Variants in C12orf50 observed in about 807,000 individuals in gnomAD.
The protein encoded by C12orf50 is uncharacterized protein C12orf50.
Under a neutral mutation model 61.6 loss-of-function variants are expected in C12orf50, and 35 were observed. The observed-to-expected ratio is 0.57, with a 90% CI of 0.43 to 0.75. The LOEUF is 0.75. C12orf50 is among the 30% of genes least tolerant of loss of function. The probability of loss-of-function intolerance (pLI) is 0.00; values close to 1 mark genes in which losing one functional copy is unlikely to be tolerated. For missense variants in C12orf50, 475 were observed against 488.5 expected, an observed-to-expected ratio of 0.97 and a Z score of 0.26; for synonymous variants, 178 against 161.5, an observed-to-expected ratio of 1.10 and a Z score of -0.77.
intron 1 of C12orf50, among the ~76,000 whole-genome samples, chr12:88,027,359 T>A (rs761478110): frequency 1.3e-5 from 2 of 152,178 alleles, no homozygotes; most frequent in South Asian, 2.1e-4. Context: ...AATAGAGATA[T>A]AAGAATCCAG....
At position 87,985,871 on chromosome 12, in the gene C12orf50, G is replaced by T; in HGVS notation, c.1105C>A (p.Pro369Thr). 2 of 1,612,998 alleles carry T rather than the reference G, an allele frequency of 1.2e-6. No homozygotes were observed. The highest frequency in any genetic ancestry group is 1.7e-6 in the Non-Finnish European group (2 of 1,179,812). Reference protein sequence around the residue: ...SYNKVHANREPKPNLSPDKYT... With the variant: ...SYNKVHANRETKPNLSPDKYT... ...TCACCTGGACTGAGGTTGGGTTTGGGTTCCCTGTTAGCATGGACTTTATTG... is the reference window on the plus strand; with the variant it reads ...TCACCTGGACTGAGGTTGGGTTTGGTTTCCCTGTTAGCATGGACTTTATTG... The change falls in exon 11 of 13, where the codon CCC becomes ACC. Residue 369 changes from proline (P) to threonine (T), a missense_variant. Pro to Thr is a conservative substitution (Grantham distance 38). Transcript: ENST00000298699.
chr12:87,980,477 T>C, intron 12 of C12orf50, 121 bp from the exon 13 acceptor site: 1 of 843,190 alleles, frequency 1.2e-6, no homozygotes, highest in Non-Finnish European at 1.9e-6. Context: ...ATCTTACTGT[T>C]TTAACTTATA....
chr12:87,984,480 A>G (rs1220115799), intron 11 of C12orf50: 1 of 152,156 alleles, frequency 6.6e-6, no homozygotes, highest in African/African-American at 2.4e-5. Flanking sequence ...CTGTGAAACT[A>G]TGAGGTACAG....
intron 3 of C12orf50, among the ~76,000 whole-genome samples, chr12:88,015,609 C>A (rs909010831): frequency 6.6e-6 from 1 of 152,166 alleles, no homozygotes; most frequent in Non-Finnish European, 1.5e-5. Context: ...AGAGATTACA[C>A]TAACTTCTAG....
In C12orf50 at chr12:87,987,871, A is replaced by C. The variant is rs755232303; in HGVS notation, c.796T>G (p.Cys266Gly). 1.9e-6 allele frequency: 3 copies of C among 1,607,098 alleles called. No homozygotes were observed. Among genetic ancestry groups the C allele is most frequent in the East Asian group, 4.5e-5 (2 of 44,708 alleles). The change falls in exon 9 of 13, where the codon TGC (cysteine) becomes GGC (glycine). Residue 266 changes from cysteine to glycine, a missense_variant. Coordinates refer to ENST00000298699, the MANE Select transcript of C12orf50 (RefSeq NM_152589.3). Reference protein sequence around the residue: ...LNATENISMKCREDPSSMNDV... With the variant: ...LNATENISMKGREDPSSMNDV... ...TCACTTGAAGAGGGGTCCTCTCTGC[A>C]CTTCATACTGATATTCTCAGTAGCA...
intron 3 of C12orf50, among the ~76,000 whole-genome samples, chr12:88,012,143 C>G (rs1340291444): frequency 6.6e-6 from 1 of 152,190 alleles, no homozygotes; most frequent in Admixed American, 6.5e-5. Context: ...CACTACTCCA[C>G]TCTTTATGAC....
At chr12:88,021,801 G>A (rs1044599192) in intron 3 of C12orf50, among the ~76,000 whole-genome samples, 1 of 151,988 alleles carries the variant, frequency 6.6e-6, no homozygotes, top group African/African-American at 2.4e-5. Flanking sequence ...GGAAGAAACT[G>A]AATCCCTGAA....
intron 3 of C12orf50, among the ~76,000 whole-genome samples, chr12:87,998,924 T>C (rs2136436110): frequency 6.6e-6 from 1 of 152,316 alleles, no homozygotes. Context: ...AGTAATTAAG[T>C]TGCACAACTT....
chr12:88,026,466 G>C (rs747689546), intron 3 of C12orf50, 22 bp downstream of exon 3: 4 of 1,611,508 alleles, frequency 2.5e-6, no homozygotes, highest in Non-Finnish European at 3.4e-6. Flanking sequence ...GTAAGTCTAT[G>C]TTATTCAAAA....
intron 3 of C12orf50, among the ~76,000 whole-genome samples, chr12:88,025,807 T>C (rs1372255702): frequency 6.6e-6 from 1 of 151,932 alleles, no homozygotes; most frequent in East Asian, 1.9e-4. Flanking sequence ...AGAAGGAAAG[T>C]AGAGTAGTTA....
intron 3 of C12orf50, among the ~76,000 whole-genome samples, chr12:88,014,238 C>T (rs960160894): frequency 5.3e-5 from 8 of 152,178 alleles, no homozygotes; most frequent in African/African-American, 1.9e-4. Context: ...TGACAAAAAG[C>T]ATTGGAGTAT....
rs756057987 is a variant in C12orf50 at position 88,026,984 on chromosome 12, A to T, written c.-22T>A. 1.2e-6 allele frequency: 2 copies of T among 1,614,014 alleles called. No homozygotes were observed. The highest frequency in any genetic ancestry group is 1.7e-6 in the Non-Finnish European group (2 of 1,179,976). The stretch of plus-strand genomic sequence containing the variant: ...CCATGTGTCTAAATCTGCAAAGTGG[A>T]TCTAAACATTTCCTCTCTCTCCATA... On this transcript the variant is annotated 5_prime_UTR_variant, in exon 2 of 13. Coordinates refer to ENST00000298699, the MANE Select transcript of C12orf50 (RefSeq NM_152589.3).
At chr12:87,980,424 T>A in intron 12 of C12orf50, 68 bp from the exon 13 acceptor site, 1 of 1,333,530 alleles carries the variant, frequency 7.5e-7, no homozygotes, top group Non-Finnish European at 1.1e-6. Flanking sequence ...TTGTTCTTCT[T>A]TTGCTAATTA....
At chr12:87,998,602 C>T (rs114479207) in intron 3 of C12orf50, among the ~76,000 whole-genome samples, 3,446 of 151,966 alleles carry the variant, frequency 0.023, 139 homozygotes, top group African/African-American at 0.077. Flanking sequence ...CAATATTTTC[C>T]GAATTAATCT....
At chr12:88,004,869 T>G (rs1423715518) in intron 3 of C12orf50, among the ~76,000 whole-genome samples, 34 of 152,090 alleles carry the variant, frequency 2.2e-4, no homozygotes, top group Admixed American at 2.2e-3. Flanking sequence ...GAACAGACAC[T>G]GGGTCCAACT....
At chr12:88,029,967 A>T (rs956905225), upstream of C12orf50, among the ~76,000 whole-genome samples, 1 of 152,240 alleles carries the variant, frequency 6.6e-6, no homozygotes, top group African/African-American at 2.4e-5. Context: ...GGCTTTGAGA[A>T]TTTGTTGAAA....
At chr12:87,986,687 T>G (rs935678680) in intron 9 of C12orf50, among the ~76,000 whole-genome samples, 11 of 151,652 alleles carry the variant, frequency 7.3e-5, no homozygotes, top group African/African-American at 2.7e-4. Flanking sequence ...TGGATTCTTT[T>G]AAAGGAACAT....
At chr12:87,983,233 T>G (rs1308476850) in intron 11 of C12orf50, 38 bp from the exon 12 acceptor site, 1 of 1,363,296 alleles carries the variant, frequency 7.3e-7, no homozygotes, top group Non-Finnish European at 1.0e-6. Flanking sequence ...ATTTTATAAC[T>G]TTAAAATCAT....
intron 3 of C12orf50, among the ~76,000 whole-genome samples, chr12:88,002,355 A>G (rs1045061388): frequency 3.3e-5 from 5 of 151,780 alleles, no homozygotes; most frequent in African/African-American, 1.2e-4. Flanking sequence ...ACACAGCACA[A>G]TTTCAATCAT....
Sources: gnomAD v4.1 joint callset for allele counts (sites outside exome capture counted in the v4.1 genomes callset) on GRCh38, gnomAD v4.1.1 for gene constraint, MANE v1.5 for transcripts, NCBI Gene and HGNC (gene_info 2026-07-23, HGNC 2026-07-21) for gene names.